GRK5: variants seen among roughly 807,000 people sequenced by gnomAD.
The protein encoded by GRK5 is g protein-coupled receptor kinase GRK5.
A neutral mutation model predicts 78.4 loss-of-function variants in GRK5; 40 were observed. The ratio of observed to expected loss-of-function variants is 0.51; its 90% CI spans 0.40 to 0.66. The LOEUF is 0.66. Among genes scored for constraint, GRK5 ranks in the 30% least tolerant of loss-of-function variants. The pLI is 0.00. For synonymous variants in GRK5, 289 were observed against 296.8 expected (o/e 0.97, Z 0.27); for missense variants, 598 against 759.9 (o/e 0.79, Z 2.50).
intron 13 of GRK5, among the ~76,000 whole-genome samples, chr10:119,451,701 G>C (rs142581440): frequency 1.3e-5 from 2 of 152,348 alleles, no homozygotes; most frequent in Non-Finnish European, 2.9e-5. Context: ...TGCTTTGCTG[G>C]GGACAGCATG....
chr10:119,453,268 A>G lies in GRK5; in HGVS notation c.1666A>G (p.Lys556Glu). ...PKKGLLQRLF[K>E]RQHQNNSKSS... Reference sequence around the variant, plus strand: ...GAAAGGGCTGCTCCAGAGACTCTTCAAGCGGCAGGTGAGACACCCATGCCT... The same window carrying G: ...GAAAGGGCTGCTCCAGAGACTCTTCGAGCGGCAGGTGAGACACCCATGCCT... The change falls in exon 15 of 16, where the codon AAG becomes GAG. Residue 556 changes from lysine to glutamate, a missense_variant. Lys to Glu is a moderately conservative substitution (Grantham distance 56). Transcript: ENST00000392870. 6.2e-7 allele frequency: 1 copy of G among 1,613,982 alleles called. No homozygotes were observed. Among genetic ancestry groups the G allele is most frequent in the Non-Finnish European group, 8.5e-7 (1 of 1,179,994 alleles).
At chr10:119,359,829 G>C (rs748400229) in intron 2 of GRK5, among the ~76,000 whole-genome samples, 27 of 152,286 alleles carry the variant, frequency 1.8e-4, no homozygotes, top group Non-Finnish European at 3.1e-4. Context: ...TGTTCCCGGG[G>C]GGGAGGTGTG....
At chr10:119,210,893 A>G (rs548038960) in intron 1 of GRK5, among the ~76,000 whole-genome samples, 38 of 152,326 alleles carry the variant, frequency 2.5e-4, no homozygotes, top group African/African-American at 9.1e-4. Context: ...TTTGTTTTGC[A>G]TTAAAGACAG....
chr10:119,242,886 A>G (rs1849049189), intron 1 of GRK5, among the ~76,000 whole-genome samples: 1 of 151,914 alleles, frequency 6.6e-6, no homozygotes, highest in African/African-American at 2.4e-5. Context: ...CTGTGAGTCA[A>G]TTAAACCCCC....
chr10:119,325,799 G>A (rs567932586), intron 1 of GRK5, among the ~76,000 whole-genome samples: 8 of 152,356 alleles, frequency 5.3e-5, no homozygotes, highest in African/African-American at 1.2e-4. Context: ...ACCTGTGTGC[G>A]CCTCATGTGG....
intron 1 of GRK5, among the ~76,000 whole-genome samples, chr10:119,312,121 C>T (rs1388084625): frequency 6.6e-6 from 1 of 152,134 alleles, no homozygotes; most frequent in Non-Finnish European, 1.5e-5. Context: ...CCGTGTTAGC[C>T]AGGATGGTCT....
intron 1 of GRK5, 98 bp from the exon 2 acceptor site, chr10:119,326,418 C>T: frequency 1.1e-6 from 1 of 934,838 alleles, no homozygotes; most frequent in Non-Finnish European, 1.7e-6. Flanking sequence ...CAGCCCGTCC[C>T]TCTGTCTCTC....
chr10:119,409,159 T>G (rs1254864114), intron 4 of GRK5, among the ~76,000 whole-genome samples: 1 of 152,222 alleles, frequency 6.6e-6, no homozygotes, highest in East Asian at 1.9e-4. Flanking sequence ...CACTCTGCGC[T>G]GTGTCCTTAG....
At chr10:119,373,876 T>A (rs7915681) in intron 2 of GRK5, among the ~76,000 whole-genome samples, 7,797 of 152,264 alleles carry the variant, frequency 0.051, 468 homozygotes, top group African/African-American at 0.14. Context: ...AATACGAGTG[T>A]GCCTGCGTAG....
In GRK5 at chr10:119,326,668, C is replaced by T; in HGVS notation, c.148+57C>T. ...AGTGAGTAGCAGGTGATCCGCCAAG[C>T]CGTTTGTGCATTAAGGCAAATGGGT... is the stretch of plus-strand genomic sequence containing the variant. On this transcript the variant is annotated intron_variant, in intron 2 of 15. Coordinates refer to ENST00000392870, the MANE Select transcript of GRK5 (RefSeq NM_005308.3). 5 of 1,379,478 alleles carry T rather than the reference C, an allele frequency of 3.6e-6. No homozygotes were observed. The Admixed American group carries it at 8.5e-5, about 24-fold the overall frequency. 85.5% of individuals were successfully genotyped at this position (1,379,478 alleles called of 1,614,324 possible).
rs1848967494 is a variant in GRK5 at position 119,238,386 on chromosome 10, T to A, written c.52+30417T>A. On this transcript the variant is annotated intron_variant, in intron 1 of 15. Transcript: ENST00000392870. This position sits in a 1 kb window ranked among gnomAD's most constrained non-coding sequence, Gnocchi z 4.7. ...TAAATAGCAGGTACTTGATTTCATC[T>A]GGAATGGAGGGTGTGGCCCTGCCTG... Among the ~76,000 whole-genome samples the A allele has an allele frequency of 6.6e-6, 1 of 152,194 alleles. No individual in the cohort carries two copies. Among genetic ancestry groups the A allele is most frequent in the South Asian group, 2.1e-4 (1 of 4,828 alleles).
chr10:119,415,704 G>C (rs1329017583), intron 4 of GRK5, among the ~76,000 whole-genome samples: 1 of 152,190 alleles, frequency 6.6e-6, no homozygotes, highest in Non-Finnish European at 1.5e-5. Context: ...GGTTTTGACT[G>C]GGGCCAAGGA....
At chr10:119,301,902 C>T (rs1351864072) in intron 1 of GRK5, among the ~76,000 whole-genome samples, 1 of 152,244 alleles carries the variant, frequency 6.6e-6, no homozygotes, top group Admixed American at 6.5e-5. Context: ...CCGGCAGCCA[C>T]TGCCATCTTT....
chr10:119,370,181 C>T (rs1851524356), intron 2 of GRK5, among the ~76,000 whole-genome samples: 1 of 152,164 alleles, frequency 6.6e-6, no homozygotes, highest in South Asian at 2.1e-4. Flanking sequence ...CCCTTCCACC[C>T]ACCCTTTTCT....
intron 4 of GRK5, among the ~76,000 whole-genome samples, chr10:119,398,232 T>C (rs1272128124): frequency 6.6e-6 from 1 of 152,114 alleles, no homozygotes; most frequent in Non-Finnish European, 1.5e-5. Flanking sequence ...TCTGGCTAGA[T>C]ACATTTTTGA....
At chr10:119,418,201 T>C (rs909998470) in intron 4 of GRK5, among the ~76,000 whole-genome samples, 2 of 151,672 alleles carry the variant, frequency 1.3e-5, no homozygotes, top group South Asian at 4.1e-4. Context: ...GCAGGGCAGG[T>C]TCTTTTACCT....
intron 1 of GRK5, among the ~76,000 whole-genome samples, chr10:119,307,196 C>T (rs1401648276): frequency 1.3e-5 from 2 of 152,080 alleles, no homozygotes; most frequent in Non-Finnish European, 2.9e-5. Flanking sequence ...GAGTAAATTT[C>T]CTGGAGTCAC....
intron 5 of GRK5, among the ~76,000 whole-genome samples, chr10:119,424,173 G>C (rs1291795173): frequency 6.6e-6 from 1 of 152,132 alleles, no homozygotes; most frequent in South Asian, 2.1e-4. Flanking sequence ...ACAGTGGGTG[G>C]GGTCTTGGTT....
intron 1 of GRK5, among the ~76,000 whole-genome samples, chr10:119,275,518 A>G (rs1434944743): frequency 6.6e-6 from 1 of 151,466 alleles, no homozygotes; most frequent in East Asian, 2.0e-4. Context: ...TTTATTTCCT[A>G]TGATAAATGA....
Sources: allele counts gnomAD v4.1 joint callset (sites outside exome capture counted in the v4.1 genomes callset), GRCh38; gene constraint gnomAD v4.1.1; non-coding constraint Gnocchi (gnomAD v3.1); transcripts MANE v1.5; gene names NCBI Gene and HGNC (gene_info 2026-07-23, HGNC 2026-07-21).